The following NAALADL2 variants were observed in gnomAD, a reference collection of about 807,000 sequenced individuals.
NAALADL2 encodes the protein N-acetylated alpha-linked acidic dipeptidase like 2.
Under a neutral mutation model 87.2 loss-of-function variants are expected in NAALADL2, and 76 were observed. The ratio of observed to expected loss-of-function variants is 0.87; its 90% CI spans 0.72 to 1.05. The LOEUF is 1.05. Among genes scored for constraint, NAALADL2 ranks in the 50% least tolerant of loss-of-function variants. The pLI is 0.00. For missense variants in NAALADL2, 1,089 were observed against 945.8 expected (o/e 1.15, Z -1.99); for synonymous variants, 354 against 331.0 (o/e 1.07, Z -0.75).
At chr3:175,572,565 G>A (rs1011786002) in intron 9 of NAALADL2, among the ~76,000 whole-genome samples, 1 of 152,150 alleles carries the variant, frequency 6.6e-6, no homozygotes, top group Admixed American at 6.5e-5. Context: ...GCTGAATGCT[G>A]CCCTTTTGAT....
chr3:174,720,219 A>C (rs1353545129), intron 2 of NAALADL2, among the ~76,000 whole-genome samples: 1 of 152,218 alleles, frequency 6.6e-6, no homozygotes, highest in African/African-American at 2.4e-5. Flanking sequence ...AACTTTTATT[A>C]AAGTAACTTT....
chr3:174,956,632 A>G (rs568331589), intron 1 of NAALADL2, among the ~76,000 whole-genome samples: 1 of 152,122 alleles, frequency 6.6e-6, no homozygotes, highest in African/African-American at 2.4e-5. Flanking sequence ...TGTATAATCC[A>G]TAGATAAATG....
intron 2 of NAALADL2, among the ~76,000 whole-genome samples, chr3:175,173,782 T>G (rs952097455): frequency 6.6e-6 from 1 of 152,236 alleles, no homozygotes; most frequent in Non-Finnish European, 1.5e-5. Flanking sequence ...TCCATCTTTC[T>G]GTCTTCCATG....
At chr3:174,477,833 T>A (rs182939543) in intron 1 of NAALADL2, among the ~76,000 whole-genome samples, 2 of 152,298 alleles carry the variant, frequency 1.3e-5, no homozygotes, top group East Asian at 3.9e-4. Context: ...TGAATAATTG[T>A]CCTAAGCAAC....
intron 3 of NAALADL2, among the ~76,000 whole-genome samples, chr3:174,819,392 CTT>C (rs11344258): frequency 6.6e-6 from 1 of 151,652 alleles, no homozygotes; most frequent in Admixed American, 6.6e-5. Flanking sequence ...TATTTACTTT[CTT>C]TTTTTTCATT....
intron 11 of NAALADL2, among the ~76,000 whole-genome samples, chr3:175,736,796 C>A (rs1428807704): frequency 1.3e-5 from 2 of 152,148 alleles, no homozygotes; most frequent in African/African-American, 2.4e-5. Context: ...CAGGATGTTA[C>A]CATAAATCAC....
At chr3:175,798,764 C>T (rs1323493638) in intron 13 of NAALADL2, among the ~76,000 whole-genome samples, 2 of 152,012 alleles carry the variant, frequency 1.3e-5, no homozygotes, top group African/African-American at 2.4e-5. Flanking sequence ...GTTATTGACA[C>T]ATTTTACAAA....
At chr3:175,729,893 A>AAATTT (rs1371615537) in intron 11 of NAALADL2, among the ~76,000 whole-genome samples, 3 of 151,258 alleles carry the variant, frequency 2.0e-5, no homozygotes, top group African/African-American at 7.3e-5. Context: ...ATTGCGTTTT[A>AAATTT]AATTTAACTG....
intron 2 of NAALADL2, among the ~76,000 whole-genome samples, chr3:175,115,544 T>C (rs770726956): frequency 4.0e-5 from 6 of 151,700 alleles, no homozygotes; most frequent in Non-Finnish European, 8.9e-5. Flanking sequence ...ACAAGTATAA[T>C]GTTTGTGTAA....
chr3:175,136,628 A>AT (rs1729158437), intron 2 of NAALADL2, among the ~76,000 whole-genome samples: 2 of 44,948 alleles, frequency 4.4e-5, no homozygotes, highest in South Asian at 2.6e-3. Flanking sequence ...ATCAAAATCC[A>AT]GTTTTTTTTT....
At chr3:175,430,593 C>T (rs762442414) in intron 5 of NAALADL2, among the ~76,000 whole-genome samples, 2 of 151,976 alleles carry the variant, frequency 1.3e-5, no homozygotes, top group Non-Finnish European at 2.9e-5. Flanking sequence ...ATCTTACTTA[C>T]ATCTCTGTTA....
At chr3:174,976,559 A>G (rs1453143070) in intron 1 of NAALADL2, among the ~76,000 whole-genome samples, 2 of 152,224 alleles carry the variant, frequency 1.3e-5, no homozygotes, top group Non-Finnish European at 2.9e-5. Flanking sequence ...GTTTAATTTA[A>G]TAGAATATGA....
At chr3:174,750,037 A>G (rs1734667477) in intron 3 of NAALADL2, among the ~76,000 whole-genome samples, 1 of 152,214 alleles carries the variant, frequency 6.6e-6, no homozygotes, top group African/African-American at 2.4e-5. Context: ...GTTTACAGAA[A>G]AAAGCCTATT....
chr3:175,608,859 CT>C (rs1724166567), intron 10 of NAALADL2, among the ~76,000 whole-genome samples: 1 of 152,028 alleles, frequency 6.6e-6, no homozygotes, highest in African/African-American at 2.4e-5. Flanking sequence ...CATAGCTTAC[CT>C]TTTATTTATA....
At chr3:175,755,531 A>G in intron 13 of NAALADL2, 113 bp downstream of exon 13, 1 of 712,170 alleles carries the variant, frequency 1.4e-6, no homozygotes, top group Admixed American at 4.0e-5. Context: ...GAAATTATAA[A>G]GCAGTTACTC....
At chr3:174,740,289 G>T (rs533572198) in intron 3 of NAALADL2, among the ~76,000 whole-genome samples, 30 of 151,930 alleles carry the variant, frequency 2.0e-4, no homozygotes, top group African/African-American at 6.7e-4. Context: ...TCTAGATTGA[G>T]GTAGTTAATT....
intron 2 of NAALADL2, among the ~76,000 whole-genome samples, chr3:174,670,714 T>C (rs925685944): frequency 6.6e-6 from 1 of 152,114 alleles, no homozygotes; most frequent in African/African-American, 2.4e-5. Context: ...TTTCATATAA[T>C]TCAACATAAT....
intron 3 of NAALADL2, among the ~76,000 whole-genome samples, chr3:174,748,093 T>C (rs1006476816): frequency 5.3e-5 from 8 of 151,944 alleles, no homozygotes; most frequent in Non-Finnish European, 1.2e-4. Context: ...TTCTCACTTA[T>C]AAGTGGGAGC....
At chr3:174,814,342 C>T (rs1334624231) in intron 3 of NAALADL2, among the ~76,000 whole-genome samples, 1 of 151,956 alleles carries the variant, frequency 6.6e-6, no homozygotes, top group Non-Finnish European at 1.5e-5. Flanking sequence ...CTCCTGACCT[C>T]GTGATCCGCC....
Sources: gnomAD v4.1 joint callset for allele counts (sites outside exome capture counted in the v4.1 genomes callset) on GRCh38, gnomAD v4.1.1 for gene constraint, MANE v1.5 for transcripts, NCBI Gene and HGNC (gene_info 2026-07-23, HGNC 2026-07-21) for gene names.